HTATSF1: variants seen among roughly 807,000 people sequenced by gnomAD.
The protein encoded by HTATSF1 is HIV-1 Tat specific factor 1, also known as 17S U2 SnRNP complex component HTATSF1.
A neutral mutation model predicts 46.1 loss-of-function variants in HTATSF1; 6 were observed. That is an observed-to-expected ratio of 0.13 (90% CI 0.07 to 0.26). HTATSF1 has a LOEUF of 0.26. Ranked by LOEUF, HTATSF1 falls within the 10% of genes least tolerant of loss-of-function variation. The pLI is 1.00. For synonymous variants in HTATSF1, 226 were observed against 211.5 expected (o/e 1.07, Z -0.60); for missense variants, 452 against 559.9 (o/e 0.81, Z 1.94).
At chrX:136,506,336 C>G in intron 6 of HTATSF1, among the ~76,000 whole-genome samples, 1 of 111,407 alleles carries the variant, frequency 9.0e-6, no homozygotes, top group East Asian at 2.8e-4. Context: ...TTTGGAGTTA[C>G]AGAGCCTTTA....
intron 4 of HTATSF1, among the ~76,000 whole-genome samples, chrX:136,502,124 C>T (rs1017317020): frequency 8.1e-5 from 9 of 110,940 alleles, no homozygotes; most frequent in Non-Finnish European, 1.7e-4. Flanking sequence ...TGATAACTGT[C>T]CTTTCTCTAA....
intron 6 of HTATSF1, among the ~76,000 whole-genome samples, chrX:136,508,173 T>C (rs2075751137): frequency 8.9e-6 from 1 of 112,687 alleles, no homozygotes. Context: ...AGTTCCTCTT[T>C]AGCTGATGAG....
Position 136,511,466 on chromosome X carries a change from T to G in HTATSF1, c.1721T>G (p.Leu574Trp). The G allele has an allele frequency of 8.3e-7, 1 of 1,209,679 alleles. No individual in the cohort carries two copies. The highest frequency in any genetic ancestry group is 2.2e-5 in the Admixed American group (1 of 45,669). The change falls in exon 9 of 9, where the codon TTG becomes TGG. Residue 574 changes from leucine (L) to tryptophan (W), a missense_variant. Physicochemically the swap from Leu to Trp is moderately conservative, Grantham distance 61. This residue lies in a region of HTATSF1 where 246 missense variants were observed against 245.3 expected (regional missense o/e 1.00). Transcript: ENST00000218364. ...EFEENGLEKD[L>W]DEEGSEKELH... Reference sequence around the variant, plus strand: ...GAAGAAAATGGTCTCGAGAAAGATTTGGACGAGGAAGGTTCTGAAAAGGAG... The same window carrying G: ...GAAGAAAATGGTCTCGAGAAAGATTGGGACGAGGAAGGTTCTGAAAAGGAG...
At position 136,511,179 on chromosome X, in the gene HTATSF1, C is replaced by T; in HGVS notation, c.1434C>T (p.Gly478=). ...EEGCPKRGFE[G]SCSQKESEEG... ...GCTGCCCCAAAAGAGGGTTTGAAGG[C>T]AGCTGCTCCCAAAAAGAGTCTGAAG... The change falls in exon 9 of 9, where the codon GGC becomes GGT. Residue 478 remains glycine (G), a synonymous_variant. Transcript: ENST00000218364. The T allele has an allele frequency of 8.3e-7, 1 of 1,206,952 alleles. No individual in the cohort carries two copies. The highest frequency in any genetic ancestry group is 1.1e-6 in the Non-Finnish European group (1 of 894,290).
rs1464518191 is a variant in HTATSF1 at position 136,497,704 on chromosome X, A to T, written c.20A>T (p.Asp7Val). MSGTNL[D>V]GNDEFDEQLR... Reference sequence around the variant, plus strand: ...GGAAACATGAGCGGCACCAACTTGGATGGGAACGATGAGTTTGATGAGCAG... The same window carrying T: ...GGAAACATGAGCGGCACCAACTTGGTTGGGAACGATGAGTTTGATGAGCAG... The change falls in exon 1 of 9, where the codon GAT becomes GTT. Residue 7 changes from aspartate (D) to valine (V), a missense_variant. Transcript: ENST00000218364. 4 of 1,197,623 alleles carry T rather than the reference A, an allele frequency of 3.3e-6. No homozygotes were observed. The highest frequency in any genetic ancestry group is 4.5e-6 in the Non-Finnish European group (4 of 885,164).
chrX:136,497,783 T>C lies in HTATSF1; in HGVS notation c.99T>C (p.Asp33=), dbSNP rs944402674. The C allele has an allele frequency of 3.5e-5, 42 of 1,202,814 alleles. No homozygotes were observed. The highest frequency in any genetic ancestry group is 4.3e-5 in the Non-Finnish European group (38 of 889,834). The change falls in exon 1 of 9, where the codon GAT becomes GAC. Residue 33 remains aspartate (D), a synonymous_variant. Transcript: ENST00000218364. ...GCAAGGATGGTGACACCCAGACCGATGCCGGCGGAGAACCCGATTCTCTCG... is the reference window on the plus strand; with the variant it reads ...GCAAGGATGGTGACACCCAGACCGACGCCGGCGGAGAACCCGATTCTCTCG... ...GDGKDGDTQT[D]AGGEPDSLGQ...
intron 6 of HTATSF1, among the ~76,000 whole-genome samples, chrX:136,506,568 G>C (rs1476710452): frequency 8.9e-6 from 1 of 112,575 alleles, no homozygotes; most frequent in Admixed American, 9.4e-5. Context: ...TTACAAGCCA[G>C]AGTCTTTTCA....
chrX:136,508,369 AT>A (rs1489084507), intron 6 of HTATSF1, among the ~76,000 whole-genome samples: 1 of 112,188 alleles, frequency 8.9e-6, no homozygotes, highest in Non-Finnish European at 1.9e-5. Context: ...AGATTTGTTA[AT>A]TCCCAGAGGG....
intron 1 of HTATSF1, among the ~76,000 whole-genome samples, chrX:136,498,510 T>C (rs1301230801): frequency 8.9e-6 from 1 of 112,473 alleles, no homozygotes; most frequent in Non-Finnish European, 1.9e-5. Context: ...CTTGATTCTG[T>C]AAACTTTGTG....
In HTATSF1 at chrX:136,510,985, C is replaced by G. The variant is rs2074769804; in HGVS notation, c.1240C>G (p.Gln414Glu). ...EHPSTSKMNA[Q>E]ETATGMAFEE... The stretch of plus-strand genomic sequence containing the variant: ...CCCCAGCACATCTAAAATGAATGCT[C>G]AAGAAACTGCAACTGGAATGGCGTT... Residue 414 changes from glutamine (Q) to glutamate (E), a missense_variant, in exon 9 of 9, where the codon CAA becomes GAA. Physicochemically the swap from Gln to Glu is conservative, Grantham distance 29 (BLOSUM62 2). This residue lies in a region of HTATSF1 where 246 missense variants were observed against 245.3 expected (regional missense o/e 1.00). Coordinates refer to ENST00000218364, the MANE Select transcript of HTATSF1 (RefSeq NM_014500.5). 8.3e-7 allele frequency: 1 copy of G among 1,211,106 alleles called. No individual in the cohort carries two copies. Among genetic ancestry groups the G allele is most frequent in the African/African-American group, 1.7e-5 (1 of 57,696 alleles).
intron 4 of HTATSF1, among the ~76,000 whole-genome samples, chrX:136,501,133 G>GA (rs1159893744): frequency 8.9e-6 from 1 of 111,916 alleles, no homozygotes; most frequent in Non-Finnish European, 1.9e-5. Flanking sequence ...AATTCAAGAA[G>GA]AAAAAAAGCC....
intron 6 of HTATSF1, among the ~76,000 whole-genome samples, 161 bp downstream of exon 6, chrX:136,504,624 A>G (rs1308475228): frequency 8.9e-6 from 1 of 112,314 alleles, no homozygotes; most frequent in Non-Finnish European, 1.9e-5. Context: ...AAGTCTTTTG[A>G]TTTCCCTTCC....
At chrX:136,500,112 C>A (rs776033442) in intron 2 of HTATSF1, 46 bp from the exon 3 acceptor site, 2 of 846,413 alleles carry the variant, frequency 2.4e-6, no homozygotes, top group East Asian at 3.2e-5. Flanking sequence ...TGACTCTTAT[C>A]TTTTTTTGCA....
intron 4 of HTATSF1, among the ~76,000 whole-genome samples, chrX:136,501,702 A>G (rs1373362962): frequency 3.6e-5 from 4 of 112,324 alleles, no homozygotes; most frequent in East Asian, 2.8e-4. Context: ...GTGAGTATAC[A>G]GTATTCCAGT....
rs200716302 is a variant in HTATSF1, at chrX:136,497,782, A to T, written c.98A>T (p.Asp33Val). The T allele has an allele frequency of 4.1e-5, 49 of 1,203,059 alleles. No individual in the cohort carries two copies. The highest frequency in any genetic ancestry group is 5.1e-5 in the Non-Finnish European group (45 of 889,899). Residue 33 changes from aspartate (D) to valine (V), a missense_variant, in exon 1 of 9, where the codon GAT becomes GTT. This residue lies in a region of HTATSF1 where 89 missense variants were observed against 92.3 expected (regional missense o/e 0.96). Coordinates refer to ENST00000218364, the MANE Select transcript of HTATSF1 (RefSeq NM_014500.5). ...GDGKDGDTQTDAGGEPDSLGQ... is the reference protein window; with the variant it reads ...GDGKDGDTQTVAGGEPDSLGQ... Reference sequence around the variant, plus strand: ...GGCAAGGATGGTGACACCCAGACCGATGCCGGCGGAGAACCCGATTCTCTC... The same window carrying T: ...GGCAAGGATGGTGACACCCAGACCGTTGCCGGCGGAGAACCCGATTCTCTC...
In HTATSF1 at chrX:136,497,714, T is replaced by C; in HGVS notation, c.30T>C (p.Asp10=). 5.0e-6 allele frequency: 6 copies of C among 1,199,466 alleles called. No individual in the cohort carries two copies. The highest frequency in any genetic ancestry group is 6.8e-6 in the Non-Finnish European group (6 of 886,658). The part of the protein sequence containing the change: MSGTNLDGN[D]EFDEQLRMQE... ...GCGGCACCAACTTGGATGGGAACGA[T>C]GAGTTTGATGAGCAGTTGCGAATGC... The change falls in exon 1 of 9, where the codon GAT becomes GAC. Residue 10 remains aspartate (D), a synonymous_variant. Transcript: ENST00000218364.
chrX:136,502,990 A>G (rs753591034), intron 5 of HTATSF1, 49 bp downstream of exon 5: 5 of 845,855 alleles, frequency 5.9e-6, no homozygotes, highest in Non-Finnish European at 7.9e-6. Flanking sequence ...TCTAGAGTAT[A>G]TTTTTGGTAA....
chrX:136,505,810 A>G (rs1421926099), intron 6 of HTATSF1, among the ~76,000 whole-genome samples: 4 of 111,736 alleles, frequency 3.6e-5, no homozygotes, highest in Admixed American at 1.9e-4. Context: ...ATAAAACAAA[A>G]CAAAGAACCA....
In HTATSF1 at chrX:136,502,739, G is replaced by A. The variant is rs780966500; in HGVS notation, c.571-39G>A. On this transcript the variant is annotated intron_variant, in intron 4 of 8. Transcript: ENST00000218364. ...TAAAAAACTCCTGAAGTTTTATTTC[G>A]TTGTATAACTGACTATATTTTGTCT... 334 of 917,988 alleles carry A rather than the reference G, an allele frequency of 3.6e-4. 1 individual carries two copies. The highest frequency in any genetic ancestry group is 3.3e-3 in the Middle Eastern group (9 of 2,743). 75.7% of individuals were successfully genotyped at this position (917,988 alleles called of 1,213,427 possible).
Sources: gnomAD v4.1 joint callset for allele counts (sites outside exome capture counted in the v4.1 genomes callset) on GRCh38, gnomAD v4.1.1 for gene constraint, gnomAD v4.1.1 regional missense constraint, MANE v1.5 for transcripts, NCBI Gene and HGNC (gene_info 2026-07-23, HGNC 2026-07-21) for gene names.